The following PNO1 variants were observed in gnomAD, a reference collection of about 807,000 sequenced individuals.
PNO1 encodes partner of NOB1 homolog.
In PNO1, 16 loss-of-function variants were observed where a neutral mutation model predicts 28.4. The ratio of observed to expected loss-of-function variants is 0.56; its 90% confidence interval spans 0.38 to 0.85. The LOEUF is 0.85. PNO1 is among the 40% of genes least tolerant of loss of function. The pLI, the probability that PNO1 is intolerant of heterozygous loss-of-function variation, is 0.00. For synonymous variants in PNO1, 115 were observed against 110.8 expected, an observed-to-expected ratio of 1.04 and a Z score of -0.24; for missense variants, 304 against 312.2, an observed-to-expected ratio of 0.97 and a Z score of 0.20.
intron 5 of PNO1, among the ~76,000 whole-genome samples, chr2:68,165,383 C>CAA (rs70949677): frequency 2.1e-5 from 2 of 93,346 alleles, no homozygotes; most frequent in Non-Finnish European, 4.6e-5. Flanking sequence ...AAAAAAACAA[C>CAA]AAAAAAAAAA....
chr2:68,161,594 T>C, intron 2 of PNO1, 89 bp from the exon 3 acceptor site: 2 of 828,256 alleles, frequency 2.4e-6, no homozygotes, highest in East Asian at 5.0e-5. Flanking sequence ...AATTCTCCAA[T>C]AATGGGAAAG....
At chr2:68,173,729 C>A (rs78700213) in intron 6 of PNO1, among the ~76,000 whole-genome samples, 5,267 of 151,762 alleles carry the variant, frequency 0.035, 343 homozygotes, top group African/African-American at 0.12. Flanking sequence ...ACTAAAGACG[C>A]CTGCCACCTT....
chr2:68,161,637 G>A, intron 2 of PNO1, 46 bp from the exon 3 acceptor site: 1 of 1,179,918 alleles, frequency 8.5e-7, no homozygotes. Context: ...GACATTTTCT[G>A]TTTGATTCTC....
intron 5 of PNO1, among the ~76,000 whole-genome samples, chr2:68,167,576 A>G (rs535854118): frequency 6.6e-6 from 1 of 152,214 alleles, no homozygotes; most frequent in Non-Finnish European, 1.5e-5. Context: ...CCTTTCCTGC[A>G]TTAAATCCTG....
intron 2 of PNO1, among the ~76,000 whole-genome samples, chr2:68,160,771 A>G (rs1234146690): frequency 6.6e-6 from 1 of 152,208 alleles, no homozygotes; most frequent in East Asian, 1.9e-4. Context: ...TGATGAGAAA[A>G]CTCAAGACCT....
Position 68,173,410 on chromosome 2 carries a change from A to C in PNO1, c.684A>C (p.Leu228=), listed in dbSNP as rs753566339. 1.9e-6 allele frequency: 3 copies of C among 1,582,214 alleles called. No homozygotes were observed. Among genetic ancestry groups the C allele is most frequent in the East Asian group, 4.5e-5 (2 of 44,728 alleles). The stretch of plus-strand genomic sequence containing the variant: ...TGGCAAGAACTGCCATTTGCAACCT[A>C]ATCTTGGGTAATAGCAGTTTCTTTC... The part of the protein sequence containing the change: ...IKMARTAICN[L]ILGNPPSKVY... The change falls in exon 6 of 7, where the codon CTA becomes CTC. Residue 228 remains leucine (L), a synonymous_variant. Transcript: ENST00000263657.
chr2:68,165,135 CG>C (rs1558619820), intron 5 of PNO1, among the ~76,000 whole-genome samples: 9 of 151,818 alleles, frequency 5.9e-5, no homozygotes, highest in Non-Finnish European at 1.3e-4. Context: ...GAGGCCGAGG[CG>C]GGCGGATCAC....
At chr2:68,168,934 T>C (rs1173309970) in intron 5 of PNO1, among the ~76,000 whole-genome samples, 2 of 138,532 alleles carry the variant, frequency 1.4e-5, no homozygotes, top group African/African-American at 5.4e-5. Flanking sequence ...TTTTTTTTTT[T>C]TTTTTTTTTT....
Position 68,162,607 on chromosome 2 carries a change from A to G in PNO1, c.564A>G (p.Gly188=). Residue 188 remains glycine (G), a synonymous_variant, in exon 5 of 7, where the codon GGA becomes GGG. Transcript: ENST00000263657. ...TAGGAAGAATCGCTGGCAAAGGAGG[A>G]AAAACCAAATTCACCATAGAGAATG... The part of the protein sequence containing the change: ...RAIGRIAGKG[G]KTKFTIENVT... 1.2e-6 allele frequency: 2 copies of G among 1,613,996 alleles called. No homozygotes were observed. The highest frequency in any genetic ancestry group is 2.2e-5 in the East Asian group (1 of 44,870).
At chr2:68,170,698 A>G (rs1674109726) in intron 5 of PNO1, among the ~76,000 whole-genome samples, 1 of 137,786 alleles carries the variant, frequency 7.3e-6, no homozygotes, top group Non-Finnish European at 1.5e-5. Context: ...CAGTGAGCCG[A>G]GATTGCGCCA....
At chr2:68,160,152 G>C (rs190355694) in intron 2 of PNO1, among the ~76,000 whole-genome samples, 1 of 151,674 alleles carries the variant, frequency 6.6e-6, no homozygotes, top group Admixed American at 6.6e-5. Context: ...GTATTTTTTA[G>C]TAGAGACAGG....
chr2:68,164,847 C>T lies in PNO1; in HGVS notation c.620+2184C>T, dbSNP rs77786519. On this transcript the variant is annotated intron_variant, in intron 5 of 6. Transcript: ENST00000263657. ...AAAATCCATATACAGATGCTCCTCA[C>T]CGTATGGTGGGGTTACGTCCAGATA... Among the ~76,000 whole-genome samples the T allele has an allele frequency of 5.9e-3, 897 of 152,212 alleles. 5 individuals carry two copies. The highest frequency in any genetic ancestry group is 0.02 in the African/African-American group (841 of 41,544).
intron 2 of PNO1, chr2:68,161,371 T>G (rs1673823594): frequency 4.3e-6 from 2 of 468,584 alleles, no homozygotes; most frequent in Admixed American, 5.2e-5. Context: ...AGGTAGAGGT[T>G]CTTCAGAATG....
intron 2 of PNO1, among the ~76,000 whole-genome samples, chr2:68,159,063 C>T (rs1673758001): frequency 6.6e-6 from 1 of 152,130 alleles, no homozygotes; most frequent in African/African-American, 2.4e-5. Flanking sequence ...ATTTCATCTA[C>T]TTGATCTGCA....
Position 68,175,924 on chromosome 2 carries a change from T to C in PNO1, c.*1122T>C, listed in dbSNP as rs1674269039. On this transcript the variant is annotated 3_prime_UTR_variant, in exon 7 of 7. Coordinates refer to ENST00000263657, the MANE Select transcript of PNO1 (RefSeq NM_020143.4). ...GGGCAAAATCGTCTAATACAAAGCC[T>C]ATTTTATAATAAAGTATGTTGAATA... 6.6e-6 allele frequency: 1 copy of C among 152,230 alleles called. No homozygotes were observed. The allele number at this position is 152,230 out of a possible 1,614,324, so 9.4% of individuals were successfully genotyped here. A position where few individuals can be genotyped will look rare whatever the true frequency, so the allele number is the denominator to read the frequency against.
chr2:68,169,599 CTT>C (rs777711612), intron 5 of PNO1, among the ~76,000 whole-genome samples: 25 of 152,312 alleles, frequency 1.6e-4, no homozygotes, highest in Middle Eastern at 3.4e-3. Context: ...AATACTGCAT[CTT>C]TGCATTTGTT....
At chr2:68,170,011 T>G (rs976494323) in intron 5 of PNO1, among the ~76,000 whole-genome samples, 2 of 152,242 alleles carry the variant, frequency 1.3e-5, no homozygotes, top group African/African-American at 4.8e-5. Context: ...TACTTATATC[T>G]TTTGTGTTTT....
chr2:68,173,546 G>C (rs1674187325), intron 6 of PNO1, 129 bp downstream of exon 6: 3 of 560,676 alleles, frequency 5.4e-6, no homozygotes, highest in Non-Finnish European at 6.4e-6. Flanking sequence ...CTTGGGAGTT[G>C]GCAAAGGTGG....
At chr2:68,161,318 G>GA in intron 2 of PNO1, 1 of 474,656 alleles carries the variant, frequency 2.1e-6, no homozygotes, top group Non-Finnish European at 4.3e-6. Context: ...ACTGCCTTGA[G>GA]AGAGAAGAGA....
Sources: allele counts gnomAD v4.1 joint callset (sites outside exome capture counted in the v4.1 genomes callset), GRCh38; gene constraint gnomAD v4.1.1; transcripts MANE v1.5; gene names NCBI Gene and HGNC (gene_info 2026-07-23, HGNC 2026-07-21).